The following VOPP1 variants were observed in gnomAD, a reference collection of about 807,000 sequenced individuals.
The protein encoded by VOPP1 is VOPP1 WW domain binding protein.
VOPP1 carries 8 observed loss-of-function variants against 23.5 expected under a neutral mutation model. That is an observed-to-expected ratio of 0.34 (90% CI 0.20 to 0.61). The LOEUF is 0.61. Among genes scored for constraint, VOPP1 ranks in the 20% least tolerant of loss-of-function variants. VOPP1 has a pLI of 0.78. For synonymous variants in VOPP1, 83 were observed against 97.3 expected (o/e 0.85, Z 0.86); for missense variants, 174 against 238.1 (o/e 0.73, Z 1.77).
chr7:55,519,379 A>T (rs889407053), intron 2 of VOPP1, among the ~76,000 whole-genome samples: 2 of 152,248 alleles, frequency 1.3e-5, no homozygotes, highest in African/African-American at 4.8e-5. Flanking sequence ...GAACAAGTCA[A>T]TACAAGAACA....
At chr7:55,456,396 C>T (rs888715298) in intron 4 of VOPP1, among the ~76,000 whole-genome samples, 8 of 152,136 alleles carry the variant, frequency 5.3e-5, no homozygotes, top group Non-Finnish European at 1.0e-4. Flanking sequence ...GTGGTGATTC[C>T]GCAAGGATCT....
chr7:55,439,214 C>T (rs925228248), intron 4 of VOPP1, among the ~76,000 whole-genome samples: 1 of 152,086 alleles, frequency 6.6e-6, no homozygotes, highest in Non-Finnish European at 1.5e-5. Context: ...GGAGCCAGGA[C>T]ACAGCCCTGG....
chr7:55,517,388 G>A (rs748155981), intron 2 of VOPP1, among the ~76,000 whole-genome samples: 1 of 152,042 alleles, frequency 6.6e-6, no homozygotes, highest in Non-Finnish European at 1.5e-5. Flanking sequence ...CTGACACGTC[G>A]TGGGCCCTCC....
intron 1 of VOPP1, among the ~76,000 whole-genome samples, chr7:55,558,609 A>C (rs567787274): frequency 6.6e-6 from 1 of 152,146 alleles, no homozygotes; most frequent in East Asian, 1.9e-4. Context: ...GCCTCCAGAG[A>C]GCCCAGGCAT....
intron 1 of VOPP1, chr7:55,552,794 A>G (rs1386405271): frequency 2.0e-6 from 3 of 1,505,174 alleles, no homozygotes; most frequent in African/African-American, 2.8e-5. Flanking sequence ...CTCCTAGGAA[A>G]CCTCCCATGG....
At chr7:55,453,009 G>A (rs55634724) in intron 4 of VOPP1, among the ~76,000 whole-genome samples, 33,358 of 152,036 alleles carry the variant, frequency 0.22, 4,357 homozygotes, top group African/African-American at 0.36. Context: ...AGTCCTAGAT[G>A]GCATCTTCTT....
At chr7:55,449,769 C>T (rs565642706) in intron 4 of VOPP1, among the ~76,000 whole-genome samples, 1 of 152,214 alleles carries the variant, frequency 6.6e-6, no homozygotes, top group East Asian at 1.9e-4. Flanking sequence ...AGCCCTCCAC[C>T]CCCGCACTGT....
intron 1 of VOPP1, chr7:55,521,753 G>A (rs1180731834): frequency 4.1e-6 from 4 of 986,714 alleles, no homozygotes; most frequent in Non-Finnish European, 4.8e-6. Context: ...GCAGGGCAGG[G>A]CAGGGTGGGT....
At chr7:55,498,149 G>C (rs948967064) in intron 2 of VOPP1, among the ~76,000 whole-genome samples, 2 of 152,252 alleles carry the variant, frequency 1.3e-5, no homozygotes. Flanking sequence ...TGTGGAGTTA[G>C]ATAAATTGCA....
intron 1 of VOPP1, among the ~76,000 whole-genome samples, chr7:55,549,948 G>C (rs1363442107): frequency 6.6e-6 from 1 of 152,148 alleles, no homozygotes; most frequent in African/African-American, 2.4e-5. Flanking sequence ...TGCAGAGACT[G>C]CCTACCCGGA....
At chr7:55,519,662 G>A (rs972485375) in intron 2 of VOPP1, among the ~76,000 whole-genome samples, 2 of 152,178 alleles carry the variant, frequency 1.3e-5, no homozygotes, top group Non-Finnish European at 2.9e-5. Context: ...TCCAAGTGGG[G>A]TCTGTCTTTC....
At chr7:55,561,900 T>C in intron 1 of VOPP1, 2 of 701,240 alleles carry the variant, frequency 2.9e-6, no homozygotes, top group Admixed American at 4.0e-5. Context: ...CCTGAGGGTC[T>C]TCAAGTATGG....
Position 55,563,013 on chromosome 7 carries a change from T to G in VOPP1, c.54+9258A>C, listed in dbSNP as rs182075750. Among the ~76,000 whole-genome samples the G allele has an allele frequency of 2.8e-4, 42 of 152,324 alleles. 1 individual carries two copies. The highest frequency in any genetic ancestry group is 2.7e-3 in the Admixed American group (41 of 15,304). ...CATGCCCTAACTTGAAATATCCTCG[T>G]CCATCTCACTCAGAAATTTATTTCC... On this transcript the variant is annotated intron_variant, in intron 1 of 4. Transcript: ENST00000285279.
chr7:55,536,218 G>T (rs1796778657), intron 1 of VOPP1, among the ~76,000 whole-genome samples: 1 of 152,150 alleles, frequency 6.6e-6, no homozygotes, highest in South Asian at 2.1e-4. Context: ...TGACTGCCAG[G>T]ATACATAGGC....
chr7:55,546,302 A>T (rs1362057891), intron 1 of VOPP1, among the ~76,000 whole-genome samples: 1 of 152,246 alleles, frequency 6.6e-6, no homozygotes, highest in African/African-American at 2.4e-5. Context: ...ATTCCCAGGT[A>T]GCTCACTAAG....
At chr7:55,456,817 G>A (rs989177068) in intron 4 of VOPP1, among the ~76,000 whole-genome samples, 1 of 152,110 alleles carries the variant, frequency 6.6e-6, no homozygotes, top group South Asian at 2.1e-4. Flanking sequence ...GGGTCTAGGG[G>A]AGGGATGGCA....
At chr7:55,438,546 T>C (rs1156583249) in intron 4 of VOPP1, among the ~76,000 whole-genome samples, 5 of 152,092 alleles carry the variant, frequency 3.3e-5, no homozygotes, top group Admixed American at 3.3e-4. Context: ...TCGGAGAAAG[T>C]GAAGAGGCTG....
chr7:55,467,658 T>C (rs1260107353), downstream of VOPP1, among the ~76,000 whole-genome samples: 2 of 152,244 alleles, frequency 1.3e-5, no homozygotes, highest in South Asian at 2.1e-4. Context: ...AGCATTCAAT[T>C]TGCATCTCAA....
chr7:55,463,699 C>A (rs1425670629), intron 4 of VOPP1, among the ~76,000 whole-genome samples: 1 of 152,168 alleles, frequency 6.6e-6, no homozygotes, highest in Non-Finnish European at 1.5e-5. Context: ...CCTCTCCCAC[C>A]CCCGCTCCCC....
Sources: allele counts gnomAD v4.1 joint callset (sites outside exome capture counted in the v4.1 genomes callset), GRCh38; gene constraint gnomAD v4.1.1; transcripts MANE v1.5; gene names NCBI Gene and HGNC (gene_info 2026-07-23, HGNC 2026-07-21).